EDIL3: variants seen among roughly 807,000 people sequenced by gnomAD.
EDIL3 encodes EGF-like repeat and discoidin I-like domain-containing protein 3.
EDIL3 carries 37 observed loss-of-function variants against 67.4 expected under a neutral mutation model. The observed-to-expected ratio is 0.55, with a 90% CI of 0.42 to 0.72. The LOEUF (loss-of-function observed/expected upper bound fraction) is 0.72, where lower values mean the gene tolerates loss of function less well. EDIL3 is among the 30% of genes least tolerant of loss of function. EDIL3 has a pLI of 0.00. For synonymous variants in EDIL3, 195 were observed against 196.3 expected (o/e 0.99, Z 0.05); for missense variants, 527 against 586.3 (o/e 0.90, Z 1.04).
At chr5:84,248,449 G>C (rs968542575) in intron 2 of EDIL3, among the ~76,000 whole-genome samples, 1 of 151,930 alleles carries the variant, frequency 6.6e-6, no homozygotes, top group African/African-American at 2.4e-5. Flanking sequence ...AATATTGATG[G>C]CCTCTTACCG....
Position 84,141,935 on chromosome 5 carries a change from A to C in EDIL3, c.356-4581T>G, listed in dbSNP as rs1177080793. Reference sequence around the variant, plus strand: ...TATATATATATATACACATATATATATATATATATATACATAGATCTATCT... The same window carrying C: ...TATATATATATATACACATATATATCTATATATATATACATAGATCTATCT... On this transcript the variant is annotated intron_variant, in intron 4 of 10. Coordinates refer to ENST00000296591, the MANE Select transcript of EDIL3 (RefSeq NM_005711.5). 7.0e-4 allele frequency among the ~76,000 whole-genome samples: 84 copies of C among 120,810 alleles called. 2 individuals are homozygous for C. Among genetic ancestry groups the C allele is most frequent in the African/African-American group, 2.1e-3 (67 of 32,182 alleles). The allele number at this position is 120,810 out of a possible 152,430, so 79.3% of individuals were successfully genotyped here.
intron 6 of EDIL3, among the ~76,000 whole-genome samples, chr5:84,070,407 C>T (rs1746716084): frequency 6.6e-6 from 1 of 152,154 alleles, no homozygotes; most frequent in Non-Finnish European, 1.5e-5. Context: ...CCCACGCTCC[C>T]AATGACCTGC....
chr5:84,051,501 A>T (rs1746338277), intron 9 of EDIL3, among the ~76,000 whole-genome samples: 1 of 152,220 alleles, frequency 6.6e-6, no homozygotes, highest in East Asian at 1.9e-4. Context: ...TCAGATGATC[A>T]AACTTCTCCG....
intron 10 of EDIL3, among the ~76,000 whole-genome samples, chr5:83,960,243 G>A (rs1320392806): frequency 6.6e-6 from 1 of 150,958 alleles, no homozygotes; most frequent in Admixed American, 6.6e-5. Context: ...ACATAAAAAT[G>A]GTTTCATTAA....
chr5:84,153,310 T>A (rs936710346), intron 4 of EDIL3, among the ~76,000 whole-genome samples: 27 of 152,252 alleles, frequency 1.8e-4, no homozygotes, highest in East Asian at 7.7e-4. Flanking sequence ...TATTATTATT[T>A]TTTTGAGATG....
intron 3 of EDIL3, among the ~76,000 whole-genome samples, chr5:84,200,825 CGGAAAGAAAT>C (rs1743815992): frequency 6.6e-6 from 1 of 151,842 alleles, no homozygotes; most frequent in Admixed American, 6.6e-5. Context: ...GGGAAAGAAA[CGGAAAGAAAT>C]GTCTTTCTGG....
At chr5:83,978,638 G>A (rs1435382981) in intron 9 of EDIL3, among the ~76,000 whole-genome samples, 2 of 152,122 alleles carry the variant, frequency 1.3e-5, no homozygotes, top group Non-Finnish European at 2.9e-5. Context: ...CAGTGATACT[G>A]TTATAAGGAT....
At chr5:84,354,824 C>A (rs1330008944) in intron 1 of EDIL3, among the ~76,000 whole-genome samples, 1 of 148,300 alleles carries the variant, frequency 6.7e-6, no homozygotes, top group Non-Finnish European at 1.5e-5. Context: ...TCTTCATTTC[C>A]TTATAAGAAT....
At chr5:84,174,477 C>A (rs577734460) in intron 4 of EDIL3, among the ~76,000 whole-genome samples, 2 of 152,270 alleles carry the variant, frequency 1.3e-5, no homozygotes, top group East Asian at 3.9e-4. Context: ...GAGGGGGTAC[C>A]TATTTTCCAT....
chr5:84,368,462 C>T (rs1328124216), intron 1 of EDIL3, among the ~76,000 whole-genome samples: 3 of 152,046 alleles, frequency 2.0e-5, no homozygotes, highest in Middle Eastern at 3.4e-3. Context: ...TTACCTACAT[C>T]GTATACAAAA....
chr5:84,278,199 C>A (rs780701793), intron 1 of EDIL3, among the ~76,000 whole-genome samples: 13 of 152,130 alleles, frequency 8.5e-5, no homozygotes, highest in Non-Finnish European at 1.6e-4. Context: ...AAGAGTAGAG[C>A]ATTTCAAACA....
At chr5:84,100,732 AC>A (rs762051568) in intron 6 of EDIL3, among the ~76,000 whole-genome samples, 7 of 152,120 alleles carry the variant, frequency 4.6e-5, no homozygotes, top group Non-Finnish European at 8.8e-5. Context: ...AAATTAAAAA[AC>A]ATCTGATAAT....
At chr5:84,323,087 G>C (rs879795265) in intron 1 of EDIL3, among the ~76,000 whole-genome samples, 2 of 151,948 alleles carry the variant, frequency 1.3e-5, no homozygotes, top group Non-Finnish European at 2.9e-5. Flanking sequence ...TTTAATATTT[G>C]TTTCCACATA....
intron 9 of EDIL3, among the ~76,000 whole-genome samples, chr5:84,050,543 T>G (rs1004373848): frequency 6.6e-6 from 1 of 151,966 alleles, no homozygotes; most frequent in Non-Finnish European, 1.5e-5. Flanking sequence ...GTGCAAGGGG[T>G]CAGGGAATTC....
intron 9 of EDIL3, among the ~76,000 whole-genome samples, chr5:84,054,663 T>A (rs535886173): frequency 1.0e-3 from 153 of 152,034 alleles, no homozygotes; most frequent in African/African-American, 3.4e-3. Flanking sequence ...TACACACCAA[T>A]AACAGACAAA....
At chr5:84,174,017 G>A (rs1042939569) in intron 4 of EDIL3, among the ~76,000 whole-genome samples, 1 of 152,132 alleles carries the variant, frequency 6.6e-6, no homozygotes, top group Non-Finnish European at 1.5e-5. Context: ...TGCACTGCTG[G>A]GATGAAAGAC....
chr5:83,957,116 C>T (rs757153137), intron 10 of EDIL3, among the ~76,000 whole-genome samples: 6 of 151,646 alleles, frequency 4.0e-5, no homozygotes, highest in Non-Finnish European at 8.9e-5. Flanking sequence ...AAGCAGCCTC[C>T]GTTCCTTCCT....
In EDIL3 at chr5:84,057,740, C is replaced by G. The variant is rs556701856; in HGVS notation, c.1137+2560G>C. Among the ~76,000 whole-genome samples the G allele has an allele frequency of 3.0e-4, 45 of 152,022 alleles. No individual in the cohort carries two copies. In the South Asian group the frequency reaches 7.7e-3, roughly 26 times the overall value. On this transcript the variant is annotated intron_variant, in intron 9 of 10. Transcript: ENST00000296591. ...TTAAATTGGGTATCAAACTTATATG[C>G]TATGTTGGCTCAAACCAATAACTTG...
intron 9 of EDIL3, among the ~76,000 whole-genome samples, chr5:83,976,050 C>T (rs1313892363): frequency 1.3e-5 from 2 of 151,844 alleles, no homozygotes; most frequent in Admixed American, 6.6e-5. Context: ...AACAGAATCA[C>T]TATAGGCCCA....
Sources: gnomAD v4.1 joint callset for allele counts (sites outside exome capture counted in the v4.1 genomes callset) on GRCh38, gnomAD v4.1.1 for gene constraint, MANE v1.5 for transcripts, NCBI Gene and HGNC (gene_info 2026-07-23, HGNC 2026-07-21) for gene names.